The following MMP16 variants were observed in gnomAD, a reference collection of about 807,000 sequenced individuals.
MMP16 encodes the protein matrix metallopeptidase 16, also known as matrix metalloproteinase-16.
A neutral mutation model predicts 67.8 loss-of-function variants in MMP16; 12 were observed. The observed-to-expected ratio is 0.18, with a 90% CI of 0.11 to 0.29. The LOEUF is 0.29. Among genes scored for constraint, MMP16 ranks in the 10% least tolerant of loss-of-function variants. The pLI, the probability that MMP16 is intolerant of heterozygous loss-of-function variation, is 1.00. For synonymous variants in MMP16, 249 were observed against 255.9 expected (o/e 0.97, Z 0.26); for missense variants, 475 against 765.7 (o/e 0.62, Z 4.48).
At chr8:88,168,391 C>T (rs749566034) in intron 3 of MMP16, among the ~76,000 whole-genome samples, 6 of 152,108 alleles carry the variant, frequency 3.9e-5, no homozygotes, top group Non-Finnish European at 8.8e-5. Context: ...CAAACAATGT[C>T]TTTATGCTCT....
intron 1 of MMP16, among the ~76,000 whole-genome samples, chr8:88,297,197 C>A (rs1182727598): frequency 6.6e-6 from 1 of 151,998 alleles, no homozygotes; most frequent in African/African-American, 2.4e-5. Flanking sequence ...AAGAGTAACC[C>A]CCAAGAATAA....
In MMP16 at chr8:88,308,204, G is replaced by T. The variant is rs1811240155; in HGVS notation, c.132+18871C>A. Among the ~76,000 whole-genome samples the T allele has an allele frequency of 2.0e-5, 3 of 152,054 alleles. No homozygotes were observed. The South Asian group carries it at 6.2e-4, about 32-fold the overall frequency. On this transcript the variant is annotated intron_variant, in intron 1 of 9. Coordinates refer to ENST00000286614, the MANE Select transcript of MMP16 (RefSeq NM_005941.5). ...ATATCCTTACCATGGCCACATCAGAGACACAGTGTATATCCAAGCTCCTTG... is the reference window on the plus strand; with the variant it reads ...ATATCCTTACCATGGCCACATCAGATACACAGTGTATATCCAAGCTCCTTG...
intron 6 of MMP16, among the ~76,000 whole-genome samples, chr8:88,078,144 G>C (rs1490093158): frequency 1.3e-5 from 2 of 150,136 alleles, no homozygotes; most frequent in African/African-American, 4.9e-5. Flanking sequence ...TCTTTCTTTG[G>C]TTTGGCCCTT....
At chr8:88,103,645 C>A (rs1031795663) in intron 6 of MMP16, among the ~76,000 whole-genome samples, 2 of 151,758 alleles carry the variant, frequency 1.3e-5, no homozygotes, top group East Asian at 3.9e-4. Flanking sequence ...GTGCTAACTG[C>A]CTTTTATGGC....
chr8:88,159,300 A>T (rs1046454702), intron 4 of MMP16, among the ~76,000 whole-genome samples: 13 of 152,190 alleles, frequency 8.5e-5, no homozygotes, highest in African/African-American at 1.9e-4. Context: ...ATCCATGGGC[A>T]TGGAAAGTTC....
chr8:88,268,179 C>T (rs1810508398), intron 1 of MMP16, among the ~76,000 whole-genome samples: 1 of 152,082 alleles, frequency 6.6e-6, no homozygotes, highest in South Asian at 2.1e-4. Context: ...CCTGTCTCTA[C>T]TAAAAATACA....
At chr8:88,207,490 C>A (rs551748515) in intron 1 of MMP16, among the ~76,000 whole-genome samples, 3 of 152,068 alleles carry the variant, frequency 2.0e-5, no homozygotes, top group African/African-American at 7.2e-5. Context: ...TACTGCAATA[C>A]CATAAACCTT....
intron 1 of MMP16, among the ~76,000 whole-genome samples, chr8:88,248,105 T>C (rs1810148684): frequency 2.0e-5 from 3 of 152,038 alleles, no homozygotes; most frequent in African/African-American, 7.2e-5. Flanking sequence ...AAGCTGAGGC[T>C]GGGGCTGCAT....
intron 1 of MMP16, among the ~76,000 whole-genome samples, chr8:88,197,877 C>G (rs968970993): frequency 1.3e-5 from 2 of 152,090 alleles, no homozygotes; most frequent in Non-Finnish European, 2.9e-5. Context: ...GATGACTTTA[C>G]CAGGTAAAGA....
chr8:88,251,515 C>T (rs112507726), intron 1 of MMP16, among the ~76,000 whole-genome samples: 6,085 of 126,788 alleles, frequency 0.048, 265 homozygotes, highest in African/African-American at 0.16. Flanking sequence ...AAGACTTAAA[C>T]GTTAGACCTA....
chr8:88,174,861 T>G lies in MMP16; in HGVS notation c.405-6888A>C, dbSNP rs546073720. Among the ~76,000 whole-genome samples, 6 of 152,054 alleles carry G rather than the reference T, an allele frequency of 3.9e-5. No individual in the cohort carries two copies. In the South Asian group the frequency reaches 1.2e-3, roughly 32 times the overall value. ...CCTCTGCCTTCCGGGTTCAAGCAAT[T>G]CTCCTGCCTAGCCTACTGAGTTGCA... is the stretch of plus-strand genomic sequence containing the variant. On this transcript the variant is annotated intron_variant, in intron 3 of 9. Coordinates refer to ENST00000286614, the MANE Select transcript of MMP16 (RefSeq NM_005941.5).
At chr8:88,172,740 A>G (rs1441899487) in intron 3 of MMP16, among the ~76,000 whole-genome samples, 1 of 152,126 alleles carries the variant, frequency 6.6e-6, no homozygotes, top group Non-Finnish European at 1.5e-5. Flanking sequence ...TTTTTGAAGT[A>G]TATCTGGCAT....
intron 7 of MMP16, among the ~76,000 whole-genome samples, chr8:88,062,229 C>T (rs1371024362): frequency 6.6e-6 from 1 of 151,828 alleles, no homozygotes; most frequent in African/African-American, 2.4e-5. Context: ...CTAGTTCAAC[C>T]ATTGTGGAAG....
At chr8:88,127,379 T>C (rs540553755) in intron 4 of MMP16, among the ~76,000 whole-genome samples, 3 of 151,732 alleles carry the variant, frequency 2.0e-5, no homozygotes, top group Non-Finnish European at 4.4e-5. Flanking sequence ...ACTGCTTCAG[T>C]AGACAAAGAA....
rs188835356 is a variant in MMP16 at position 88,303,781 on chromosome 8, C to T, written c.132+23294G>A. ...GAAAACAACAACATCAACAAAAAAC[C>T]CTCACAGAAAACCCCATTCAAAGAT... On this transcript the variant is annotated intron_variant, in intron 1 of 9. Transcript: ENST00000286614. Among the ~76,000 whole-genome samples the T allele has an allele frequency of 2.4e-3, 359 of 152,216 alleles. 2 individuals carry two copies. In the Middle Eastern group the frequency reaches 0.027, roughly 12 times the overall value.
intron 6 of MMP16, among the ~76,000 whole-genome samples, chr8:88,083,846 A>G (rs1651976898): frequency 6.6e-6 from 1 of 152,072 alleles, no homozygotes; most frequent in South Asian, 2.1e-4. Context: ...TCCATCTATT[A>G]TTGAGAAAGA....
chr8:88,284,754 C>T (rs1477389961), intron 1 of MMP16, among the ~76,000 whole-genome samples: 1 of 152,090 alleles, frequency 6.6e-6, no homozygotes, highest in East Asian at 1.9e-4. Context: ...AATTCCACTT[C>T]AGCCAACTCG....
At chr8:88,296,742 G>T (rs1811018735) in intron 1 of MMP16, among the ~76,000 whole-genome samples, 1 of 151,282 alleles carries the variant, frequency 6.6e-6, no homozygotes, top group African/African-American at 2.4e-5. Flanking sequence ...CTACTCAGGG[G>T]GCTGAGGCAC....
At chr8:88,067,730 T>C (rs1808481659) in intron 7 of MMP16, among the ~76,000 whole-genome samples, 1 of 152,148 alleles carries the variant, frequency 6.6e-6, no homozygotes, top group Non-Finnish European at 1.5e-5. Flanking sequence ...GCTTCATCCA[T>C]ATTGTAATGT....
Sources: allele counts gnomAD v4.1 joint callset (sites outside exome capture counted in the v4.1 genomes callset), GRCh38; gene constraint gnomAD v4.1.1; transcripts MANE v1.5; gene names NCBI Gene and HGNC (gene_info 2026-07-23, HGNC 2026-07-21).